The following GPAM variants were observed in gnomAD, a reference collection of about 807,000 sequenced individuals.
GPAM encodes glycerol-3-phosphate acyltransferase, mitochondrial.
Under a neutral mutation model 105.0 loss-of-function variants are expected in GPAM, and 56 were observed. The ratio of observed to expected loss-of-function variants is 0.53; its 90% confidence interval spans 0.43 to 0.67. The LOEUF is 0.67. GPAM is among the 30% of genes least tolerant of loss of function. The probability of loss-of-function intolerance (pLI) is 0.00; values close to 1 mark genes in which losing one functional copy is unlikely to be tolerated. For synonymous variants in GPAM, 368 were observed against 354.4 expected (o/e 1.04, Z -0.43); for missense variants, 855 against 989.8 (o/e 0.86, Z 1.83).
intron 1 of GPAM, among the ~76,000 whole-genome samples, chr10:112,192,626 G>A (rs1220382609): frequency 1.3e-5 from 2 of 152,236 alleles, no homozygotes; most frequent in African/African-American, 4.8e-5. Context: ...AGTGAGAACT[G>A]AACCAAGGCC....
intron 1 of GPAM, among the ~76,000 whole-genome samples, chr10:112,192,169 A>G (rs1589604148): frequency 6.6e-6 from 1 of 152,318 alleles, no homozygotes; most frequent in Middle Eastern, 3.4e-3. Context: ...TAAGCTATTT[A>G]AAGACAGAGT....
intron 1 of GPAM, among the ~76,000 whole-genome samples, chr10:112,209,761 C>A (rs995647832): frequency 6.6e-6 from 1 of 152,216 alleles, no homozygotes; most frequent in Non-Finnish European, 1.5e-5. Flanking sequence ...GGGTTCATTT[C>A]TATGGCAACC....
At chr10:112,221,704 T>C in the GPAM span, among the ~76,000 whole-genome samples, 2 of 152,216 alleles carry the variant, frequency 1.3e-5, no homozygotes, top group Non-Finnish European at 2.9e-5. Flanking sequence ...TGTCTCAACA[T>C]GTGGTCTTGG....
chr10:112,192,490 G>C (rs746094888), intron 1 of GPAM, among the ~76,000 whole-genome samples: 2 of 152,202 alleles, frequency 1.3e-5, no homozygotes, highest in Non-Finnish European at 2.9e-5. Flanking sequence ...CCTAAAAGGG[G>C]AGAGCAGCTA....
Position 112,151,609 on chromosome 10 carries a change from T to A in GPAM, c.*1941A>T. ...GGAAAATAATGCAAGAGAAGCCGTATTTTCTTTGCTTAGGTTGGCAAAGCA... is the reference window on the plus strand; with the variant it reads ...GGAAAATAATGCAAGAGAAGCCGTAATTTCTTTGCTTAGGTTGGCAAAGCA... On this transcript the variant is annotated 3_prime_UTR_variant, in exon 22 of 22. Transcript: ENST00000348367. 7 of 985,622 alleles carry A rather than the reference T, an allele frequency of 7.1e-6. No homozygotes were observed. The highest frequency in any genetic ancestry group is 8.4e-6 in the Non-Finnish European group (7 of 829,932). 61.1% of individuals were successfully genotyped at this position (985,622 alleles called of 1,614,324 possible).
intron 12 of GPAM, among the ~76,000 whole-genome samples, chr10:112,165,437 A>C (rs1847197433): frequency 6.6e-6 from 1 of 152,152 alleles, no homozygotes; most frequent in Non-Finnish European, 1.5e-5. Context: ...TAATCCCAGC[A>C]CTTTGGGAGG....
At chr10:112,177,367 T>C (rs1247441011) in intron 5 of GPAM, among the ~76,000 whole-genome samples, 5 of 152,206 alleles carry the variant, frequency 3.3e-5, no homozygotes, top group South Asian at 4.1e-4. Flanking sequence ...CAAGGACTGC[T>C]AGCATTTGGC....
chr10:112,203,901 G>A (rs1219359781), intron 1 of GPAM, among the ~76,000 whole-genome samples: 5 of 152,204 alleles, frequency 3.3e-5, no homozygotes, highest in Non-Finnish European at 7.3e-5. Context: ...CTGTCTTCAT[G>A]TTCCTTGGAG....
At chr10:112,171,912 C>A (rs768016743) in intron 9 of GPAM, among the ~76,000 whole-genome samples, 1 of 152,116 alleles carries the variant, frequency 6.6e-6, no homozygotes. Flanking sequence ...TTTCTAATTG[C>A]CTTTTATCTA....
At chr10:112,175,134 G>A (rs542488805) in intron 6 of GPAM, among the ~76,000 whole-genome samples, 10 of 152,060 alleles carry the variant, frequency 6.6e-5, no homozygotes, top group Non-Finnish European at 1.2e-4. Context: ...GCAAGCTCCT[G>A]TAAGAGCAAA....
chr10:112,187,826 C>T (rs1847613105), upstream of GPAM, among the ~76,000 whole-genome samples: 1 of 151,936 alleles, frequency 6.6e-6, no homozygotes, highest in Admixed American at 6.6e-5. Context: ...TCTTGATGCA[C>T]ATATAAGGAT....
Position 112,181,694 on chromosome 10 carries a change from T to A in GPAM, c.91A>T (p.Ser31Cys). ...TATCCTAAACTTACCCATTCCTCAC[T>A]TGTGTGCTTACATCGACCAACACTG... is the stretch of plus-strand genomic sequence containing the variant. The part of the protein sequence containing the change: ...EYSVGRCKHT[S>C]EEWGECGFRP... Residue 31 changes from serine to cysteine, a missense_variant, in exon 3 of 22, where the codon AGT becomes TGT. Ser to Cys is a moderately radical substitution (Grantham distance 112). Transcript: ENST00000348367. The A allele has an allele frequency of 6.3e-7, 1 of 1,584,624 alleles. No individual in the cohort carries two copies. Among genetic ancestry groups the A allele is most frequent in the Non-Finnish European group, 8.7e-7 (1 of 1,153,152 alleles).
At chr10:112,197,061 G>C (rs1241995762) in intron 1 of GPAM, among the ~76,000 whole-genome samples, 1 of 152,108 alleles carries the variant, frequency 6.6e-6, no homozygotes, top group Admixed American at 6.5e-5. Flanking sequence ...AATAATGTTG[G>C]TTTTTCTCTA....
At chr10:112,170,027 T>C (rs1212019391) in intron 9 of GPAM, among the ~76,000 whole-genome samples, 1 of 152,040 alleles carries the variant, frequency 6.6e-6, no homozygotes, top group Admixed American at 6.6e-5. Flanking sequence ...TTATGATGAG[T>C]TGTATAATTA....
intron 1 of GPAM, among the ~76,000 whole-genome samples, chr10:112,203,752 C>CTTAAATCAT (rs1847826989): frequency 6.6e-6 from 1 of 152,142 alleles, no homozygotes; most frequent in Non-Finnish European, 1.5e-5. Flanking sequence ...CTGTCCAACT[C>CTTAAATCAT]GAGAAAGACC....
chr10:112,210,952 G>A (rs1465614672), intron 1 of GPAM, among the ~76,000 whole-genome samples: 8 of 152,224 alleles, frequency 5.3e-5, no homozygotes, highest in East Asian at 1.9e-4. Flanking sequence ...CCCTCGCAGC[G>A]TTCCTGTTCT....
rs1564676227 is a variant in GPAM at position 112,163,830 on chromosome 10, CA to C, written c.1308-15del. The C allele has an allele frequency of 1.6e-6, 2 of 1,242,152 alleles. No individual in the cohort carries two copies. The highest frequency in any genetic ancestry group is 2.4e-6 in the Non-Finnish European group (2 of 840,464). 76.9% of individuals were successfully genotyped at this position (1,242,152 alleles called of 1,614,324 possible). ...GCATCACTGGGTCTAAAAAGTGTTTCAAAAATCAACACACAACCGCACTCTT... is the reference window on the plus strand; with the variant it reads ...GCATCACTGGGTCTAAAAAGTGTTTCAAAATCAACACACAACCGCACTCTT... On this transcript the variant is annotated splice_polypyrimidine_tract_variant and intron_variant, in intron 13 of 21. Transcript: ENST00000348367.
At chr10:112,182,985 C>T (rs1259947553) in intron 1 of GPAM, 94 bp from the exon 2 acceptor site, 2 of 152,222 alleles carry the variant, frequency 1.3e-5, no homozygotes, top group African/African-American at 4.8e-5. Context: ...TCCCTCCGCA[C>T]AGTTCGCTCT....
chr10:112,158,293 T>C, intron 18 of GPAM, 23 bp downstream of exon 18: 3 of 1,359,596 alleles, frequency 2.2e-6, no homozygotes, highest in Non-Finnish European at 3.2e-6. Flanking sequence ...TAAAGACAAA[T>C]AAAGGAAAGC....
Sources: allele counts gnomAD v4.1 joint callset (sites outside exome capture counted in the v4.1 genomes callset), GRCh38; gene constraint gnomAD v4.1.1; transcripts MANE v1.5; gene names NCBI Gene and HGNC (gene_info 2026-07-23, HGNC 2026-07-21).